Variants in ARV1 observed in about 807,000 individuals in gnomAD.
ARV1 encodes protein ARV1.
Under a neutral mutation model 31.1 loss-of-function variants are expected in ARV1, and 26 were observed. The ratio of observed to expected loss-of-function variants is 0.84; its 90% CI spans 0.61 to 1.16. The LOEUF is 1.16. ARV1 is among the 50% of genes most tolerant of loss of function. The probability of loss-of-function intolerance (pLI) is 0.00; values close to 1 mark genes in which losing one functional copy is unlikely to be tolerated. For synonymous variants in ARV1, 117 were observed against 123.2 expected, an observed-to-expected ratio of 0.95 and a Z score of 0.34; for missense variants, 281 against 324.9, an observed-to-expected ratio of 0.86 and a Z score of 1.04.
chr1:230,982,752 A>G (rs951054550), intron 1 of ARV1, among the ~76,000 whole-genome samples: 4 of 152,232 alleles, frequency 2.6e-5, no homozygotes, highest in African/African-American at 9.6e-5. Flanking sequence ...GCCAGACTAA[A>G]AAATTAAACC....
At chr1:231,000,039 T>C (rs1226957674) in intron 5 of ARV1, 99 bp from the exon 6 acceptor site, 1 of 152,206 alleles carries the variant, frequency 6.6e-6, no homozygotes, top group Admixed American at 6.5e-5. Flanking sequence ...ATGCCTTGGG[T>C]TCCTTTGTAT....
rs745779792 is a variant in ARV1, at chr1:230,979,155, A to G, written c.50A>G (p.Asp17Gly). 2 of 1,610,916 alleles carry G rather than the reference A, an allele frequency of 1.2e-6. No individual in the cohort carries two copies. Among genetic ancestry groups the G allele is most frequent in the East Asian group, 4.5e-5 (2 of 44,758 alleles). ...CTGCAGCAGGGGAAGGGGAACGTGG[A>G]TGGGGTGGCAGCGACTCCTACTGCT... ...SGLQQGKGNV[D>G]GVAATPTAAS... is the part of the protein sequence containing the mutation. Residue 17 changes from aspartate to glycine, a missense_variant, in exon 1 of 6, where the codon GAT (aspartate) becomes GGT (glycine). Coordinates refer to ENST00000310256, the MANE Select transcript of ARV1 (RefSeq NM_022786.3).
intron 5 of ARV1, among the ~76,000 whole-genome samples, chr1:230,997,836 G>A (rs912110116): frequency 5.9e-5 from 9 of 152,198 alleles, no homozygotes; most frequent in Non-Finnish European, 7.4e-5. Context: ...AGAGAGCCTC[G>A]CAGTGTTTCC....
chr1:230,995,389 C>G (rs1679331198), intron 3 of ARV1, among the ~76,000 whole-genome samples: 1 of 152,184 alleles, frequency 6.6e-6, no homozygotes, highest in African/African-American at 2.4e-5. Flanking sequence ...ATCTTTCAGA[C>G]TGAAAAGCCT....
At chr1:230,993,834 G>A (rs887400040) in intron 3 of ARV1, among the ~76,000 whole-genome samples, 6 of 152,218 alleles carry the variant, frequency 3.9e-5, no homozygotes, top group Admixed American at 3.9e-4. Flanking sequence ...GGTCAAAGCT[G>A]CAGTGAGTCA....
chr1:230,999,546 C>T (rs1405905990), intron 5 of ARV1: 1 of 152,270 alleles, frequency 6.6e-6, no homozygotes, highest in Non-Finnish European at 1.5e-5. Context: ...AATTCTTCTC[C>T]CCAGGCATGT....
At chr1:230,979,456 C>T in intron 1 of ARV1, 177 bp downstream of exon 1, 1 of 691,926 alleles carries the variant, frequency 1.4e-6, no homozygotes, top group East Asian at 3.3e-5. Flanking sequence ...GCGCTTTTCT[C>T]ATACTGGGGC....
chr1:230,987,215 C>T (rs1033905328), intron 1 of ARV1, among the ~76,000 whole-genome samples: 6 of 152,276 alleles, frequency 3.9e-5, no homozygotes, highest in East Asian at 1.9e-4. Context: ...AACGTGGACA[C>T]GCTAGACAAA....
chr1:230,990,545 CT>C, intron 3 of ARV1: 2 of 285,704 alleles, frequency 7.0e-6, no homozygotes, highest in Non-Finnish European at 1.3e-5. Context: ...TGATAAAATT[CT>C]TTTATTTTTA....
intron 1 of ARV1, among the ~76,000 whole-genome samples, chr1:230,984,363 C>CGTGTGCGT (rs1678997142): frequency 7.7e-6 from 1 of 129,762 alleles, no homozygotes; most frequent in African/African-American, 2.9e-5. Context: ...TGTGTGTGTG[C>CGTGTGCGT]GTGTGTGTGT....
intron 1 of ARV1, 80 bp from the exon 2 acceptor site, chr1:230,988,240 A>G: frequency 7.7e-7 from 1 of 1,306,258 alleles, no homozygotes; most frequent in Non-Finnish European, 1.1e-6. Flanking sequence ...TGTCCAAAAT[A>G]GACTCTGCTG....
intron 2 of ARV1, 63 bp downstream of exon 2, chr1:230,988,502 A>C: frequency 7.4e-7 from 1 of 1,357,672 alleles, no homozygotes; most frequent in Non-Finnish European, 1.0e-6. Flanking sequence ...AAAGAATAAT[A>C]AGAATTTTAA....
chr1:230,992,697 C>T (rs1040269540), intron 3 of ARV1, among the ~76,000 whole-genome samples: 8 of 152,202 alleles, frequency 5.3e-5, no homozygotes, highest in African/African-American at 9.6e-5. Context: ...CCATCAGTTA[C>T]ACTCGGTGAT....
intron 3 of ARV1, among the ~76,000 whole-genome samples, chr1:230,991,292 T>C (rs1335507189): frequency 6.6e-6 from 1 of 152,194 alleles, no homozygotes; most frequent in Non-Finnish European, 1.5e-5. Flanking sequence ...TGTCTTCTTT[T>C]GTCCTCTTTT....
chr1:230,984,365 T>C (rs7539206), intron 1 of ARV1, among the ~76,000 whole-genome samples: 1,143 of 71,318 alleles, frequency 0.016, 5 homozygotes, highest in Admixed American at 0.026. Context: ...TGTGTGTGCG[T>C]GTGTGTGTGT....
chr1:230,984,773 C>T (rs1004197859), intron 1 of ARV1, among the ~76,000 whole-genome samples: 20 of 152,184 alleles, frequency 1.3e-4, no homozygotes, highest in Non-Finnish European at 2.6e-4. Flanking sequence ...AGAAGAGCAA[C>T]GGTACCAGGT....
chr1:230,988,183 A>G lies in ARV1; in HGVS notation c.175-137A>G, dbSNP rs1014502528. 1.6e-5 allele frequency: 11 copies of G among 668,150 alleles called. No individual in the cohort carries two copies. In the African/African-American group the frequency reaches 1.9e-4, roughly 11 times the overall value. The allele number at this position is 668,150 out of a possible 1,614,324, so 41.4% of individuals were successfully genotyped here. A position where few individuals can be genotyped will look rare whatever the true frequency, so the allele number is the denominator to read the frequency against. ...ATATAGATGAACATTTTGTATCTGA[A>G]TGGAAGTTTATATAAATAATTGCTA... On this transcript the variant is annotated intron_variant, in intron 1 of 5. Transcript: ENST00000310256.
At chr1:230,985,212 G>T (rs946501141) in intron 1 of ARV1, among the ~76,000 whole-genome samples, 1 of 152,192 alleles carries the variant, frequency 6.6e-6, no homozygotes, top group Non-Finnish European at 1.5e-5. Context: ...AAAACATGCC[G>T]AATGCTAAGA....
At chr1:230,988,022 A>G (rs190768502) in intron 1 of ARV1, among the ~76,000 whole-genome samples, 93 of 152,346 alleles carry the variant, frequency 6.1e-4, no homozygotes, top group African/African-American at 2.2e-3. Flanking sequence ...GATTGAAAGT[A>G]AAATCTTCTG....
Sources: allele counts gnomAD v4.1 joint callset (sites outside exome capture counted in the v4.1 genomes callset), GRCh38; gene constraint gnomAD v4.1.1; transcripts MANE v1.5; gene names NCBI Gene and HGNC (gene_info 2026-07-23, HGNC 2026-07-21).